The following PAPPA2 variants were observed in gnomAD, a reference collection of about 807,000 sequenced individuals.
PAPPA2 encodes the protein pappalysin-2.
In PAPPA2, 86 loss-of-function variants were observed where a neutral mutation model predicts 176.4. That is an observed-to-expected ratio of 0.49 (90% confidence interval 0.41 to 0.58). The LOEUF (loss-of-function observed/expected upper bound fraction) is 0.58. Among genes scored for constraint, PAPPA2 ranks in the 20% least tolerant of loss-of-function variants. The pLI is 0.00. For missense variants in PAPPA2, 2,073 were observed against 2,256.9 expected (o/e 0.92, Z 1.65); for synonymous variants, 809 against 852.2 (o/e 0.95, Z 0.88).
chr1:176,570,426 A>G (rs1652251811), intron 2 of PAPPA2, among the ~76,000 whole-genome samples: 1 of 152,228 alleles, frequency 6.6e-6, no homozygotes, highest in Admixed American at 6.5e-5. Context: ...TAGGTATTCA[A>G]TTACTATTTT....
At chr1:176,766,927 A>G (rs1420230292) in intron 15 of PAPPA2, among the ~76,000 whole-genome samples, 1 of 151,872 alleles carries the variant, frequency 6.6e-6, no homozygotes, top group Admixed American at 6.5e-5. Flanking sequence ...TTTTGTGCCA[A>G]TTGATTGCTT....
chr1:176,547,779 T>G (rs530658777), intron 1 of PAPPA2, among the ~76,000 whole-genome samples: 1 of 152,300 alleles, frequency 6.6e-6, no homozygotes, highest in East Asian at 1.9e-4. Flanking sequence ...CAAAAATGCC[T>G]GGAGACATTG....
At chr1:176,760,463 T>C (rs992747866) in intron 14 of PAPPA2, among the ~76,000 whole-genome samples, 7 of 152,228 alleles carry the variant, frequency 4.6e-5, no homozygotes, top group Non-Finnish European at 7.3e-5. Flanking sequence ...ATCAACACTT[T>C]GAAACTTATA....
chr1:176,498,729 G>A lies in PAPPA2; in HGVS notation c.-917+35311G>A, dbSNP rs1010261076. On this transcript the variant is annotated intron_variant, in intron 1 of 22. Coordinates refer to ENST00000367662, the MANE Select transcript of PAPPA2 (RefSeq NM_020318.3). ...CGCACCATTGCACTCCAGCCTGGGC[G>A]ACAGAGCGAGACTCTTACCTCCAAA... is the stretch of plus-strand genomic sequence containing the variant. 8.4e-5 allele frequency among the ~76,000 whole-genome samples: 12 copies of A among 143,178 alleles called. No homozygotes were observed. In the South Asian group the frequency reaches 1.2e-3, roughly 14 times the overall value. The allele number at this position is 143,178 out of a possible 152,430, so 93.9% of individuals were successfully genotyped here.
In PAPPA2 at chr1:176,699,721, C is replaced by T. The variant is rs142958692; in HGVS notation, c.3236+132C>T. The T allele has an allele frequency of 1.1e-3, 1,598 of 1,393,106 alleles. 17 individuals carry two copies. In the African/African-American group the frequency reaches 0.019, roughly 17 times the overall value. 86.3% of individuals were successfully genotyped at this position (1,393,106 alleles called of 1,614,324 possible). A position where few individuals can be genotyped will look rare whatever the true frequency, so the allele number is the denominator to read the frequency against. ...TTTAGACTTTCAGAGGGGATTTTACCGTAAAGTGGCATATCTGAGGTAAAG... is the reference window on the plus strand; with the variant it reads ...TTTAGACTTTCAGAGGGGATTTTACTGTAAAGTGGCATATCTGAGGTAAAG... On this transcript the variant is annotated intron_variant, in intron 8 of 22. Coordinates refer to ENST00000367662, the MANE Select transcript of PAPPA2 (RefSeq NM_020318.3).
intron 3 of PAPPA2, among the ~76,000 whole-genome samples, chr1:176,644,612 G>A (rs1657289648): frequency 6.6e-6 from 1 of 151,768 alleles, no homozygotes; most frequent in African/African-American, 2.4e-5. Context: ...ACCATAGATA[G>A]AGAAAGGGCT....
intron 1 of PAPPA2, among the ~76,000 whole-genome samples, chr1:176,485,639 C>A (rs1361893656): frequency 6.6e-6 from 1 of 152,124 alleles, no homozygotes; most frequent in Non-Finnish European, 1.5e-5. Flanking sequence ...TACTGAAATA[C>A]ATAGATATAA....
intron 21 of PAPPA2, among the ~76,000 whole-genome samples, chr1:176,826,094 T>G (rs1666855752): frequency 6.6e-6 from 1 of 152,208 alleles, no homozygotes; most frequent in African/African-American, 2.4e-5. Flanking sequence ...TCTCCTGAGC[T>G]AGTAAATATG....
chr1:176,548,299 T>C (rs1650747395), intron 1 of PAPPA2, among the ~76,000 whole-genome samples: 1 of 152,004 alleles, frequency 6.6e-6, no homozygotes, highest in Non-Finnish European at 1.5e-5. Flanking sequence ...AATGGGGGCA[T>C]GTTGGATCTG....
chr1:176,597,739 A>G (rs1400156088), intron 3 of PAPPA2, among the ~76,000 whole-genome samples: 2 of 152,214 alleles, frequency 1.3e-5, no homozygotes, highest in African/African-American at 4.8e-5. Context: ...AGATTTTGGT[A>G]ACCTTAAGCA....
At chr1:176,790,957 C>T (rs1665149189) in intron 18 of PAPPA2, among the ~76,000 whole-genome samples, 1 of 152,280 alleles carries the variant, frequency 6.6e-6, no homozygotes, top group African/African-American at 2.4e-5. Flanking sequence ...TTGAAAAAAT[C>T]TGACATTTGC....
In PAPPA2 at chr1:176,844,815, G is replaced by C. The variant is rs1447837484; in HGVS notation, c.*2361G>C. ...TGGGCATTACTCAGCTCAGGAACAT[G>C]GAGCCTGTGGTTCATGCCAGTGTGT... On this transcript the variant is annotated 3_prime_UTR_variant, in exon 23 of 23. Transcript: ENST00000367662. The C allele has an allele frequency of 1.3e-5, 2 of 152,168 alleles. No homozygotes were observed. The highest frequency in any genetic ancestry group is 4.8e-5 in the African/African-American group (2 of 41,458). 9.4% of individuals were successfully genotyped at this position (152,168 alleles called of 1,614,324 possible).
chr1:176,585,873 A>G (rs116759289), intron 2 of PAPPA2, among the ~76,000 whole-genome samples: 167 of 152,228 alleles, frequency 1.1e-3, no homozygotes, highest in African/African-American at 3.9e-3. Context: ...TCTCATTCAA[A>G]TAATGAATTT....
At chr1:176,631,772 G>A (rs1342153083) in intron 3 of PAPPA2, among the ~76,000 whole-genome samples, 1 of 152,158 alleles carries the variant, frequency 6.6e-6, no homozygotes, top group African/African-American at 2.4e-5. Context: ...CTTTGGCTGA[G>A]AAAGGAATAA....
intron 17 of PAPPA2, among the ~76,000 whole-genome samples, chr1:176,781,668 A>G (rs1664728470): frequency 6.6e-6 from 1 of 151,984 alleles, no homozygotes; most frequent in Non-Finnish European, 1.5e-5. Flanking sequence ...CTAAGTAGAG[A>G]ACCGTGTCTT....
intron 15 of PAPPA2, among the ~76,000 whole-genome samples, chr1:176,768,793 T>C (rs760487316): frequency 3.3e-5 from 5 of 152,200 alleles, no homozygotes; most frequent in Admixed American, 3.3e-4. Flanking sequence ...AGGAAATGGC[T>C]AGAATCTCTC....
chr1:176,529,692 C>G lies in PAPPA2; in HGVS notation c.-916-25715C>G, dbSNP rs543167987. Among the ~76,000 whole-genome samples the G allele has an allele frequency of 2.0e-5, 3 of 152,282 alleles. No individual in the cohort carries two copies. The South Asian group carries it at 6.2e-4, about 32-fold the overall frequency. Reference sequence around the variant, plus strand: ...TGCATTCTCCATCCCAAACAGGACACCTGGAGAAAAATGATTTTGTGGCTA... The same window carrying G: ...TGCATTCTCCATCCCAAACAGGACAGCTGGAGAAAAATGATTTTGTGGCTA... On this transcript the variant is annotated intron_variant, in intron 1 of 22. Coordinates refer to ENST00000367662, the MANE Select transcript of PAPPA2 (RefSeq NM_020318.3).
chr1:176,827,520 C>T (rs1438881348), intron 21 of PAPPA2, among the ~76,000 whole-genome samples: 1 of 152,154 alleles, frequency 6.6e-6, no homozygotes, highest in African/African-American at 2.4e-5. Flanking sequence ...CCCATGTACC[C>T]CATAAAGCCT....
chr1:176,761,200 C>T (rs548148142), intron 14 of PAPPA2, among the ~76,000 whole-genome samples: 25 of 152,206 alleles, frequency 1.6e-4, no homozygotes, highest in African/African-American at 5.3e-4. Flanking sequence ...CTTATCAGAG[C>T]GGAGAGACAA....
Sources: allele counts gnomAD v4.1 joint callset (sites outside exome capture counted in the v4.1 genomes callset), GRCh38; gene constraint gnomAD v4.1.1; transcripts MANE v1.5; gene names NCBI Gene and HGNC (gene_info 2026-07-23, HGNC 2026-07-21).